The following FOXN3 variants were observed in gnomAD, a reference collection of about 807,000 sequenced individuals.
FOXN3 encodes forkhead box N3.
In FOXN3, 7 loss-of-function variants were observed where a neutral mutation model predicts 38.4. The observed-to-expected ratio is 0.18, with a 90% CI of 0.10 to 0.34. The LOEUF is 0.34. Ranked by LOEUF, FOXN3 falls within the 10% of genes least tolerant of loss-of-function variation. The pLI is 1.00. For synonymous variants in FOXN3, 230 were observed against 242.2 expected (o/e 0.95, Z 0.47); for missense variants, 456 against 613.4 (o/e 0.74, Z 2.71).
intron 3 of FOXN3, among the ~76,000 whole-genome samples, chr14:89,327,173 T>C (rs1341386725): frequency 6.6e-6 from 1 of 152,030 alleles, no homozygotes; most frequent in Non-Finnish European, 1.5e-5. Context: ...CAGTGAGAGA[T>C]CATATAATGT....
At chr14:89,348,260 A>C (rs1888829515) in intron 3 of FOXN3, among the ~76,000 whole-genome samples, 1 of 152,092 alleles carries the variant, frequency 6.6e-6, no homozygotes, top group Non-Finnish European at 1.5e-5. Context: ...GATTCCCCGC[A>C]TCACAGTGGA....
intron 1 of FOXN3, among the ~76,000 whole-genome samples, chr14:89,500,133 G>A (rs1398700178): frequency 3.9e-5 from 6 of 152,230 alleles, no homozygotes; most frequent in African/African-American, 7.2e-5. Context: ...GGTTACAGGC[G>A]TGAGCCACCG....
At chr14:89,606,437 G>A (rs1203974270) in intron 1 of FOXN3, among the ~76,000 whole-genome samples, 1 of 152,070 alleles carries the variant, frequency 6.6e-6, no homozygotes, top group Non-Finnish European at 1.5e-5. Flanking sequence ...GATCAAGGTT[G>A]AGCATTGAAG....
At chr14:89,459,687 C>T (rs1892798769) in intron 1 of FOXN3, among the ~76,000 whole-genome samples, 1 of 152,142 alleles carries the variant, frequency 6.6e-6, no homozygotes, top group Admixed American at 6.5e-5. Flanking sequence ...TTCCTCACTC[C>T]CTTGGCCCAC....
chr14:89,397,442 A>T (rs1050707782), intron 2 of FOXN3, among the ~76,000 whole-genome samples: 2 of 73,524 alleles, frequency 2.7e-5, no homozygotes, highest in African/African-American at 6.7e-5. Context: ...AATAAAAGTT[A>T]AAAAAAAAAA....
chr14:89,483,298 G>A (rs1228513442), intron 1 of FOXN3, among the ~76,000 whole-genome samples: 1 of 152,184 alleles, frequency 6.6e-6, no homozygotes, highest in Non-Finnish European at 1.5e-5. Context: ...GATATCACAA[G>A]ATGAAAGAGG....
intron 2 of FOXN3, among the ~76,000 whole-genome samples, chr14:89,404,226 G>A (rs1891324764): frequency 6.6e-6 from 1 of 152,010 alleles, no homozygotes; most frequent in Non-Finnish European, 1.5e-5. Context: ...TCAGCAGGAT[G>A]GGGCTGCGCA....
chr14:89,537,830 G>C (rs566837811), intron 1 of FOXN3, among the ~76,000 whole-genome samples: 1 of 152,342 alleles, frequency 6.6e-6, no homozygotes, highest in Admixed American at 6.5e-5. Context: ...TAATACTGGA[G>C]TTTAGAATAC....
At chr14:89,288,670 TTCTC>T (rs1202531466) in intron 3 of FOXN3, among the ~76,000 whole-genome samples, 37 of 54,076 alleles carry the variant, frequency 6.8e-4, no homozygotes, top group South Asian at 2.1e-3. Flanking sequence ...GGCACTCTCT[TTCTC>T]TCTCTCTCTC....
chr14:89,245,811 G>A (rs775965355), intron 4 of FOXN3, among the ~76,000 whole-genome samples: 37 of 152,256 alleles, frequency 2.4e-4, no homozygotes, highest in South Asian at 6.2e-4. Context: ...ACACGCAGCC[G>A]GAGAGGCAGC....
intron 2 of FOXN3, among the ~76,000 whole-genome samples, chr14:89,402,048 A>C (rs1231217394): frequency 6.6e-6 from 1 of 152,216 alleles, no homozygotes; most frequent in Non-Finnish European, 1.5e-5. Flanking sequence ...AACTGTCTGT[A>C]ATCTTACATA....
chr14:89,333,984 A>ATATATATATATATATC (rs1888350470), intron 3 of FOXN3, among the ~76,000 whole-genome samples: 1 of 21,496 alleles, frequency 4.7e-5, no homozygotes, highest in African/African-American at 9.9e-5. Context: ...ATATATATAT[A>ATATATATATATATATC]TATATATATA....
chr14:89,500,510 T>G (rs530480232), intron 1 of FOXN3, among the ~76,000 whole-genome samples: 1 of 152,250 alleles, frequency 6.6e-6, no homozygotes, highest in South Asian at 2.1e-4. Context: ...TCAAGCGCCC[T>G]TTGAGAGGGA....
intron 4 of FOXN3, among the ~76,000 whole-genome samples, chr14:89,182,767 G>GT (rs137875715): frequency 0.013 from 1,978 of 152,250 alleles, 32 homozygotes; most frequent in African/African-American, 0.037. Flanking sequence ...TCATACTGGC[G>GT]TAAGTCTAGA....
At chr14:89,243,479 A>G (rs1885199753) in intron 4 of FOXN3, among the ~76,000 whole-genome samples, 1 of 152,172 alleles carries the variant, frequency 6.6e-6, no homozygotes, top group African/African-American at 2.4e-5. Context: ...GGATAGCAAC[A>G]TTTTTTAACC....
At chr14:89,181,292 A>G (rs915023401) in intron 4 of FOXN3, among the ~76,000 whole-genome samples, 10 of 152,206 alleles carry the variant, frequency 6.6e-5, no homozygotes, top group Non-Finnish European at 1.5e-4. Context: ...TCAGAACCTA[A>G]CAACAACTCA....
At chr14:89,513,905 T>TACACACAC (rs58182379) in intron 1 of FOXN3, among the ~76,000 whole-genome samples, 3 of 149,606 alleles carry the variant, frequency 2.0e-5, no homozygotes, top group African/African-American at 7.4e-5. Flanking sequence ...CTTTCTCTCT[T>TACACACAC]ACACACACAC....
chr14:89,434,641 C>T (rs1348201392), intron 1 of FOXN3, among the ~76,000 whole-genome samples: 1 of 152,134 alleles, frequency 6.6e-6, no homozygotes, highest in East Asian at 1.9e-4. Flanking sequence ...TTGGGAAGAA[C>T]AAGCAGCTGT....
chr14:89,364,441 G>A (rs1233836130), intron 2 of FOXN3: 3 of 151,582 alleles, frequency 2.0e-5, no homozygotes. Flanking sequence ...CAAGATCCTG[G>A]CCCCATGAGC....
Sources: gnomAD v4.1 joint callset for allele counts (sites outside exome capture counted in the v4.1 genomes callset) on GRCh38, gnomAD v4.1.1 for gene constraint, MANE v1.5 for transcripts, NCBI Gene and HGNC (gene_info 2026-07-23, HGNC 2026-07-21) for gene names.